ESCO1: variants seen among roughly 807,000 people sequenced by gnomAD.
The protein encoded by ESCO1 is establishment of sister chromatid cohesion N-acetyltransferase 1.
A neutral mutation model predicts 83.5 loss-of-function variants in ESCO1; 33 were observed. The observed-to-expected ratio is 0.40, with a 90% CI of 0.30 to 0.53. ESCO1 has a LOEUF of 0.53. Among genes scored for constraint, ESCO1 ranks in the 20% least tolerant of loss-of-function variants. The probability of loss-of-function intolerance (pLI) is 0.63; values close to 1 mark genes in which losing one functional copy is unlikely to be tolerated. For missense variants in ESCO1, 855 were observed against 968.0 expected (o/e 0.88, Z 1.55); for synonymous variants, 332 against 324.3 (o/e 1.02, Z -0.25).
intron 1 of ESCO1, among the ~76,000 whole-genome samples, chr18:21,587,504 G>A (rs765775619): frequency 3.3e-5 from 5 of 152,052 alleles, no homozygotes; most frequent in African/African-American, 4.8e-5. Flanking sequence ...CTAGGTTATC[G>A]AAATGGTTAG....
intron 9 of ESCO1, 126 bp from the exon 10 acceptor site, chr18:21,536,311 T>C (rs2037836493): frequency 1.8e-6 from 2 of 1,093,034 alleles, no homozygotes; most frequent in Admixed American, 5.5e-5. Context: ...TCTTTTGGGC[T>C]GGGTGTGGTG....
intron 1 of ESCO1, among the ~76,000 whole-genome samples, chr18:21,593,957 T>G (rs2038723614): frequency 6.6e-6 from 1 of 152,116 alleles, no homozygotes; most frequent in South Asian, 2.1e-4. Flanking sequence ...GTTTTCCAAC[T>G]CACCACTATT....
chr18:21,547,821 C>T (rs985763499), intron 8 of ESCO1, among the ~76,000 whole-genome samples: 80 of 152,046 alleles, frequency 5.3e-4, no homozygotes, highest in Non-Finnish European at 3.5e-4. Flanking sequence ...AGAGTATTTC[C>T]GGCCAGGCGC....
intron 8 of ESCO1, chr18:21,540,511 T>C (rs985639006): frequency 1.2e-5 from 14 of 1,180,754 alleles, no homozygotes; most frequent in African/African-American, 1.6e-5. Context: ...ATGAAAGGAA[T>C]AGTCTTATGC....
chr18:21,580,361 C>T (rs1369610030), intron 2 of ESCO1, among the ~76,000 whole-genome samples: 1 of 152,098 alleles, frequency 6.6e-6, no homozygotes, highest in African/African-American at 2.4e-5. Flanking sequence ...AGAATTACAA[C>T]AAACCTTCCA....
intron 8 of ESCO1, among the ~76,000 whole-genome samples, chr18:21,543,999 C>T (rs553580333): frequency 3.3e-5 from 5 of 152,232 alleles, no homozygotes; most frequent in South Asian, 4.1e-4. Flanking sequence ...TTTGGCCAAG[C>T]GCAGTGGCTC....
chr18:21,568,368 T>C (rs759732047), intron 4 of ESCO1, among the ~76,000 whole-genome samples: 2 of 152,070 alleles, frequency 1.3e-5, no homozygotes, highest in African/African-American at 2.4e-5. Context: ...GGAGGATCAC[T>C]TAAGCCCAGG....
At chr18:21,578,714 T>C (rs948165524) in intron 2 of ESCO1, among the ~76,000 whole-genome samples, 4 of 152,168 alleles carry the variant, frequency 2.6e-5, no homozygotes, top group African/African-American at 9.7e-5. Flanking sequence ...AAAATTTTTT[T>C]TGAGACAAAG....
intron 8 of ESCO1, among the ~76,000 whole-genome samples, chr18:21,541,853 A>C (rs2037912471): frequency 6.6e-6 from 1 of 152,230 alleles, no homozygotes; most frequent in Non-Finnish European, 1.5e-5. Context: ...CCTGAACTGA[A>C]TCATCTAAAG....
intron 2 of ESCO1, among the ~76,000 whole-genome samples, chr18:21,579,794 GCACACACACACACACACACACACA>G (rs765904584): frequency 4.8e-4 from 18 of 37,126 alleles, no homozygotes; most frequent in Middle Eastern, 0.014. Flanking sequence ...ACGCGCGCGC[GCACACACACACACACACACACACA>G]CACACACACA....
At chr18:21,585,090 G>A (rs1281311758) in intron 1 of ESCO1, among the ~76,000 whole-genome samples, 1 of 146,716 alleles carries the variant, frequency 6.8e-6, no homozygotes, top group African/African-American at 2.5e-5. Context: ...GCAGTGAGCC[G>A]AGATCGAGCC....
At chr18:21,577,840 C>T (rs1350826223) in intron 2 of ESCO1, among the ~76,000 whole-genome samples, 1 of 152,126 alleles carries the variant, frequency 6.6e-6, no homozygotes, top group East Asian at 1.9e-4. Flanking sequence ...AATATACACA[C>T]TGATTGCTGA....
intron 2 of ESCO1, among the ~76,000 whole-genome samples, chr18:21,579,804 A>G (rs1468212507): frequency 0.044 from 3,239 of 73,396 alleles, 188 homozygotes; most frequent in African/African-American, 0.11. Flanking sequence ...GCACACACAC[A>G]CACACACACA....
intron 8 of ESCO1, chr18:21,540,461 G>A: frequency 1.2e-6 from 1 of 840,902 alleles, no homozygotes; most frequent in South Asian, 3.5e-5. Context: ...AAGACCTCCA[G>A]GAGGTTTTAA....
At chr18:21,550,834 C>T (rs908416002) in intron 8 of ESCO1, among the ~76,000 whole-genome samples, 9 of 152,134 alleles carry the variant, frequency 5.9e-5, no homozygotes, top group African/African-American at 1.2e-4. Flanking sequence ...ACGTGTTGGC[C>T]GGGCGTGGTG....
chr18:21,587,352 T>C (rs78024567), intron 1 of ESCO1, among the ~76,000 whole-genome samples: 2,714 of 152,334 alleles, frequency 0.018, 30 homozygotes, highest in Non-Finnish European at 0.028. Context: ...CTTCTTTAAA[T>C]GTTTGGTAGA....
At chr18:21,535,879 A>C (rs1207039796) in intron 10 of ESCO1, among the ~76,000 whole-genome samples, 163 bp downstream of exon 10, 1 of 152,220 alleles carries the variant, frequency 6.6e-6, no homozygotes, top group East Asian at 1.9e-4. Flanking sequence ...TCCCATGCAT[A>C]ACCATTATTC....
intron 8 of ESCO1, among the ~76,000 whole-genome samples, chr18:21,553,648 G>A (rs1374478270): frequency 6.6e-6 from 1 of 151,446 alleles, no homozygotes; most frequent in African/African-American, 2.4e-5. Context: ...ACCTGAGGTC[G>A]GGAGTTCGAG....
chr18:21,547,812 G>C (rs557717219), intron 8 of ESCO1, among the ~76,000 whole-genome samples: 119 of 152,236 alleles, frequency 7.8e-4, no homozygotes, highest in African/African-American at 2.8e-3. Context: ...TCATAGAAAA[G>C]AGTATTTCCG....
Sources: allele counts gnomAD v4.1 joint callset (sites outside exome capture counted in the v4.1 genomes callset), GRCh38; gene constraint gnomAD v4.1.1; transcripts MANE v1.5; gene names NCBI Gene and HGNC (gene_info 2026-07-23, HGNC 2026-07-21).